The following SCUBE1 variants were observed in gnomAD, a reference collection of about 807,000 sequenced individuals.
SCUBE1 encodes the protein signal peptide, CUB domain and EGF like domain containing 1.
SCUBE1 carries 59 observed loss-of-function variants against 124.4 expected under a neutral mutation model. The observed-to-expected ratio is 0.47, with a 90% CI of 0.38 to 0.59. The LOEUF (loss-of-function observed/expected upper bound fraction) is 0.59. SCUBE1 is among the 20% of genes least tolerant of loss of function. The probability of loss-of-function intolerance (pLI) is 0.00; values close to 1 mark genes in which losing one functional copy is unlikely to be tolerated. For synonymous variants in SCUBE1, 545 were observed against 550.9 expected (o/e 0.99, Z 0.15); for missense variants, 1,150 against 1,371.2 (o/e 0.84, Z 2.55).
intron 1 of SCUBE1, among the ~76,000 whole-genome samples, chr22:43,341,209 T>G: frequency 2.7e-5 from 4 of 146,306 alleles, no homozygotes; most frequent in Admixed American, 6.8e-5. Context: ...AGGGGAAGAG[T>G]GGAAAGGGGA....
At chr22:43,257,728 T>A (rs1184385287) in intron 6 of SCUBE1, among the ~76,000 whole-genome samples, 1 of 152,232 alleles carries the variant, frequency 6.6e-6, no homozygotes, top group East Asian at 1.9e-4. Flanking sequence ...CAAAGCAAAG[T>A]TCTGAGGAAA....
intron 6 of SCUBE1, among the ~76,000 whole-genome samples, chr22:43,253,258 G>C (rs547602071): frequency 6.6e-6 from 1 of 152,210 alleles, no homozygotes; most frequent in African/African-American, 2.4e-5. Flanking sequence ...TACCCCACAG[G>C]CTGTTCTTAG....
chr22:43,217,877 C>T (rs1474010009), intron 15 of SCUBE1, among the ~76,000 whole-genome samples: 1 of 152,202 alleles, frequency 6.6e-6, no homozygotes, highest in African/African-American at 2.4e-5. Context: ...GACTCAGGCT[C>T]CCCAACTCCT....
intron 10 of SCUBE1, among the ~76,000 whole-genome samples, chr22:43,226,210 G>A (rs945135438): frequency 6.6e-6 from 1 of 152,238 alleles, no homozygotes; most frequent in Non-Finnish European, 1.5e-5. Context: ...CTAGTGAGGA[G>A]AGAGAGATGG....
intron 5 of SCUBE1, among the ~76,000 whole-genome samples, chr22:43,262,138 C>T (rs1923893242): frequency 6.6e-6 from 1 of 152,214 alleles, no homozygotes; most frequent in African/African-American, 2.4e-5. Flanking sequence ...GTTAGCCTTG[C>T]AGGGGTCAAA....
intron 4 of SCUBE1, among the ~76,000 whole-genome samples, chr22:43,281,456 C>CCCTCAGCCACCCTCCTGTCACCTCCT (rs1924857666): frequency 3.5e-5 from 2 of 57,246 alleles, no homozygotes; most frequent in Non-Finnish European, 5.9e-5. Flanking sequence ...CCTGTCATCT[C>CCCTCAGCCACCCTCCTGTCACCTCCT]CCTCAGCCAC....
chr22:43,296,826 G>A (rs1290193077), intron 3 of SCUBE1, among the ~76,000 whole-genome samples: 1 of 152,222 alleles, frequency 6.6e-6, no homozygotes, highest in Non-Finnish European at 1.5e-5. Context: ...TTGGTGGGCC[G>A]TGCCACAGGG....
At chr22:43,293,623 A>G (rs1178901970) in intron 3 of SCUBE1, among the ~76,000 whole-genome samples, 1 of 152,220 alleles carries the variant, frequency 6.6e-6, no homozygotes, top group Non-Finnish European at 1.5e-5. Context: ...CTGGGCCTAT[A>G]AGACCCTGTA....
In SCUBE1 at chr22:43,258,371, A is replaced by C; in HGVS notation, c.611-36T>G. 1.4e-6 allele frequency: 2 copies of C among 1,470,130 alleles called. No individual in the cohort carries two copies. The highest frequency in any genetic ancestry group is 1.9e-6 in the Non-Finnish European group (2 of 1,048,852). 91.1% of individuals were successfully genotyped at this position (1,470,130 alleles called of 1,614,324 possible). ...CCAAAGTGTACACACGGGTGTATAA[A>C]CAGAACAACAAAAACGGTTAGTTTG... On this transcript the variant is annotated intron_variant, in intron 5 of 21. Transcript: ENST00000360835. This position sits in a 1 kb window ranked among gnomAD's most constrained non-coding sequence, Gnocchi z 5.0.
intron 4 of SCUBE1, among the ~76,000 whole-genome samples, chr22:43,280,418 T>C (rs369377954): frequency 2.4e-3 from 107 of 44,026 alleles, no homozygotes; most frequent in East Asian, 0.016. Flanking sequence ...TCACCCATCC[T>C]CCTGTCCCTT....
chr22:43,245,078 C>T (rs567975266), intron 6 of SCUBE1, among the ~76,000 whole-genome samples: 9 of 152,262 alleles, frequency 5.9e-5, no homozygotes, highest in Non-Finnish European at 1.3e-4. Flanking sequence ...AAAGCCACGC[C>T]GTGCTCCCTG....
intron 16 of SCUBE1, 54 bp from the exon 17 acceptor site, chr22:43,212,646 G>T: frequency 2.0e-6 from 3 of 1,523,220 alleles, no homozygotes; most frequent in Non-Finnish European, 2.6e-6. Context: ...CAGGGCCGAG[G>T]CTGTGGGTGG....
rs1215595420 is a variant in SCUBE1, at chr22:43,199,077, C to T, written c.*4920G>A. ...CTGTTTGTCTGTCTGCTGTCCGGGG[C>T]AGTTTGTTTGTCTGTCTGCTGTCTG... On this transcript the variant is annotated 3_prime_UTR_variant, in exon 22 of 22. Transcript: ENST00000360835. 1 of 315,726 alleles carries T rather than the reference C, an allele frequency of 3.2e-6. No homozygotes were observed. Among genetic ancestry groups the T allele is most frequent in the South Asian group, 2.4e-5 (1 of 41,586 alleles). 19.6% of individuals were successfully genotyped at this position (315,726 alleles called of 1,614,324 possible).
chr22:43,286,840 C>T (rs1925166389), intron 4 of SCUBE1, among the ~76,000 whole-genome samples: 1 of 152,206 alleles, frequency 6.6e-6, no homozygotes, highest in African/African-American at 2.4e-5. Flanking sequence ...GCTAGTAAGA[C>T]TGAGGCCTTC....
At chr22:43,253,041 A>G (rs1020947471) in intron 6 of SCUBE1, among the ~76,000 whole-genome samples, 6 of 146,198 alleles carry the variant, frequency 4.1e-5, no homozygotes, top group Admixed American at 1.3e-4. Context: ...CCTTGCCTCT[A>G]TTAATACAAT....
intron 4 of SCUBE1, chr22:43,283,825 A>T (rs1317016818): frequency 1.3e-5 from 2 of 152,260 alleles, no homozygotes; most frequent in Non-Finnish European, 2.9e-5. Context: ...AAAAAATTCT[A>T]AAAAATCCTA....
chr22:43,281,609 T>A (rs549144911), intron 4 of SCUBE1, among the ~76,000 whole-genome samples: 1 of 143,544 alleles, frequency 7.0e-6, no homozygotes, highest in Non-Finnish European at 1.5e-5. Flanking sequence ...TCCTGTCACC[T>A]CCTCCTCAGC....
At chr22:43,263,377 G>C (rs1272573078) in intron 4 of SCUBE1, among the ~76,000 whole-genome samples, 2 of 152,214 alleles carry the variant, frequency 1.3e-5, no homozygotes, top group Non-Finnish European at 2.9e-5. Context: ...GGTCAAGTGA[G>C]AGGTTGTAGG....
chr22:43,232,907 C>T (rs952997174), intron 7 of SCUBE1, among the ~76,000 whole-genome samples: 3 of 152,196 alleles, frequency 2.0e-5, no homozygotes, highest in South Asian at 4.1e-4. Context: ...GGTCCCTGTC[C>T]CCAAGGGGCC....
Sources: gnomAD v4.1 joint callset for allele counts (sites outside exome capture counted in the v4.1 genomes callset) on GRCh38, gnomAD v4.1.1 for gene constraint, Gnocchi (gnomAD v3.1) non-coding constraint, MANE v1.5 for transcripts, NCBI Gene and HGNC (gene_info 2026-07-23, HGNC 2026-07-21) for gene names.